The following PAFAH1B1 variants were observed in gnomAD, a reference collection of about 807,000 sequenced individuals.
The protein encoded by PAFAH1B1 is platelet activating factor acetylhydrolase 1b regulatory subunit 1.
A neutral mutation model predicts 57.5 loss-of-function variants in PAFAH1B1; 2 were observed. The observed-to-expected ratio is 0.03, with a 90% CI of 0.01 to 0.11. The LOEUF is 0.11. Among genes scored for constraint, PAFAH1B1 ranks in the 10% least tolerant of loss-of-function variants. PAFAH1B1 has a pLI of 1.00. For synonymous variants in PAFAH1B1, 152 were observed against 169.6 expected (o/e 0.90, Z 0.81); for missense variants, 257 against 512.0 (o/e 0.50, Z 4.81).
chr17:2,615,474 T>G (rs1193660155), intron 1 of PAFAH1B1, among the ~76,000 whole-genome samples: 1 of 152,244 alleles, frequency 6.6e-6, no homozygotes, highest in Non-Finnish European at 1.5e-5. Context: ...GGAGTCTCAC[T>G]GTGTCGCCCA....
intron 2 of PAFAH1B1, among the ~76,000 whole-genome samples, chr17:2,639,144 T>C (rs988983935): frequency 2.2e-4 from 33 of 149,668 alleles, no homozygotes; most frequent in African/African-American, 5.6e-4. Context: ...GTGATCCGCC[T>C]GCCTCGGCCT....
chr17:2,621,224 C>G (rs2068417211), intron 1 of PAFAH1B1, among the ~76,000 whole-genome samples: 2 of 152,146 alleles, frequency 1.3e-5, no homozygotes, highest in Non-Finnish European at 2.9e-5. Context: ...CTCCCTCCTA[C>G]CATCCTTCAC....
At chr17:2,652,662 G>A (rs370233807) in intron 2 of PAFAH1B1, among the ~76,000 whole-genome samples, 6 of 152,270 alleles carry the variant, frequency 3.9e-5, no homozygotes, top group African/African-American at 9.6e-5. Context: ...CGCACTTCAC[G>A]TTGTACATGG....
rs1028622989 is a variant in PAFAH1B1 at position 2,685,428 on chromosome 17, T to G, written c.*3626T>G. 2 of 152,366 alleles carry G rather than the reference T, an allele frequency of 1.3e-5. No individual in the cohort carries two copies. Among genetic ancestry groups the G allele is most frequent in the African/African-American group, 4.8e-5 (2 of 41,382 alleles). 9.4% of individuals were successfully genotyped at this position (152,366 alleles called of 1,614,324 possible). A position where few individuals can be genotyped will look rare whatever the true frequency, so the allele number is the denominator to read the frequency against. On this transcript the variant is annotated 3_prime_UTR_variant, in exon 11 of 11. Transcript: ENST00000397195. The stretch of plus-strand genomic sequence containing the variant: ...TGAGGAAAACAGTTCCCCAGATTGT[T>G]AAGAGTTCACTGAAGATATTGACAC...
rs1416050634 is a variant in PAFAH1B1 at position 2,593,817 on chromosome 17, C to G, written c.-380C>G. On this transcript the variant is annotated 5_prime_UTR_variant, in exon 1 of 11. Coordinates refer to ENST00000397195, the MANE Select transcript of PAFAH1B1 (RefSeq NM_000430.4). Reference sequence around the variant, plus strand: ...CGCGAGCGCCGAGCTTGGACTCGAGCCCCGGAACGGCTGAGGAGCCCGCCC... The same window carrying G: ...CGCGAGCGCCGAGCTTGGACTCGAGGCCCGGAACGGCTGAGGAGCCCGCCC... 7.8e-5 allele frequency: 31 copies of G among 395,074 alleles called. No homozygotes were observed. In the East Asian group the frequency reaches 9.4e-4, roughly 12 times the overall value. The allele number at this position is 395,074 out of a possible 1,614,324, so 24.5% of individuals were successfully genotyped here.
chr17:2,663,721 A>G (rs981886301), intron 2 of PAFAH1B1, among the ~76,000 whole-genome samples: 6 of 128,424 alleles, frequency 4.7e-5, no homozygotes, highest in Admixed American at 9.3e-5. Flanking sequence ...TTTTTGAGAC[A>G]GAGTTTCACT....
At chr17:2,676,126 C>T (rs1244111133) in intron 8 of PAFAH1B1, among the ~76,000 whole-genome samples, 3 of 152,192 alleles carry the variant, frequency 2.0e-5, no homozygotes, top group Non-Finnish European at 4.4e-5. Context: ...GTAATTCCAG[C>T]ACTTTGGGAG....
intron 2 of PAFAH1B1, among the ~76,000 whole-genome samples, chr17:2,653,626 G>A (rs1045050483): frequency 5.9e-5 from 9 of 152,170 alleles, no homozygotes; most frequent in African/African-American, 2.2e-4. Flanking sequence ...CTGTTTACCT[G>A]TGTGAATTTG....
At chr17:2,674,000 CT>C (rs1461046014) in intron 7 of PAFAH1B1, 59 bp from the exon 8 acceptor site, 1 of 1,210,568 alleles carries the variant, frequency 8.3e-7, no homozygotes, top group Non-Finnish European at 1.2e-6. Flanking sequence ...TTTTATATCA[CT>C]TCTGGGAAGT....
intron 1 of PAFAH1B1, among the ~76,000 whole-genome samples, chr17:2,597,651 C>T (rs1265816453): frequency 6.6e-6 from 1 of 151,384 alleles, no homozygotes; most frequent in Non-Finnish European, 1.5e-5. Context: ...CCTCGTGATC[C>T]GCCCGCCTCT....
intron 2 of PAFAH1B1, among the ~76,000 whole-genome samples, chr17:2,663,906 G>T (rs2069055880): frequency 6.6e-6 from 1 of 151,878 alleles, no homozygotes; most frequent in African/African-American, 2.4e-5. Flanking sequence ...TGTTGGCCAG[G>T]CTGGTCTCGA....
At chr17:2,636,765 T>G (rs1251815997) in intron 1 of PAFAH1B1, among the ~76,000 whole-genome samples, 8 of 152,118 alleles carry the variant, frequency 5.3e-5, no homozygotes, top group Admixed American at 1.3e-4. Flanking sequence ...TGGGTCTCGC[T>G]TTGTCACCTA....
At chr17:2,599,746 TAACTC>T (rs1450968563) in intron 1 of PAFAH1B1, among the ~76,000 whole-genome samples, 1 of 152,122 alleles carries the variant, frequency 6.6e-6, no homozygotes, top group Non-Finnish European at 1.5e-5. Flanking sequence ...AAAAGTGAAT[TAACTC>T]AACTGGACAA....
chr17:2,655,401 C>T (rs1241590501), intron 2 of PAFAH1B1, among the ~76,000 whole-genome samples: 1 of 152,086 alleles, frequency 6.6e-6, no homozygotes, highest in Non-Finnish European at 1.5e-5. Flanking sequence ...AGGCCAGGCA[C>T]AGTGGCTCAC....
At chr17:2,602,004 C>T (rs2068149599) in intron 1 of PAFAH1B1, among the ~76,000 whole-genome samples, 1 of 151,996 alleles carries the variant, frequency 6.6e-6, no homozygotes. Flanking sequence ...TATGAATGAA[C>T]AGTGAAAAAA....
intron 1 of PAFAH1B1, among the ~76,000 whole-genome samples, chr17:2,600,769 G>A (rs567950901): frequency 1.6e-3 from 242 of 151,918 alleles, no homozygotes; most frequent in African/African-American, 5.5e-3. Flanking sequence ...TCGCTGTGTT[G>A]CCCAGACTGT....
chr17:2,643,615 A>G (rs1471866596), intron 2 of PAFAH1B1, among the ~76,000 whole-genome samples: 3 of 150,308 alleles, frequency 2.0e-5, no homozygotes, highest in African/African-American at 7.4e-5. Flanking sequence ...ACTGGAGTGC[A>G]GTGGGGTGAT....
chr17:2,672,757 GGTAA>G lies in PAFAH1B1; in HGVS notation c.671+7_671+10del, dbSNP rs879073467. On this transcript the variant is annotated splice_donor_variant and splice_donor_region_variant and intron_variant, in intron 7 of 10. Transcript: ENST00000397195. LOFTEE classifies it high-confidence loss of function. ...ATAAAAATGTGGGAAGTGCAAACTG[GGTAA>G]GTAAGTTTAGTTGAAAAGGCATCAG... 6.9e-6 allele frequency: 11 copies of G among 1,591,986 alleles called. No individual in the cohort carries two copies. Among genetic ancestry groups the G allele is most frequent in the Non-Finnish European group, 8.6e-6 (10 of 1,160,940 alleles).
chr17:2,668,834 G>A (rs953698582), intron 5 of PAFAH1B1, among the ~76,000 whole-genome samples: 1 of 151,976 alleles, frequency 6.6e-6, no homozygotes, highest in African/African-American at 2.4e-5. Context: ...AAATTAGCCG[G>A]GAGTGATGGC....
Sources: gnomAD v4.1 joint callset for allele counts (sites outside exome capture counted in the v4.1 genomes callset) on GRCh38, gnomAD v4.1.1 for gene constraint, MANE v1.5 for transcripts, NCBI Gene and HGNC (gene_info 2026-07-23, HGNC 2026-07-21) for gene names.